The following FSCN2 variants were observed in gnomAD, a reference collection of about 807,000 sequenced individuals.
FSCN2 encodes the protein fascin-2.
FSCN2 carries 46 observed loss-of-function variants against 37.8 expected under a neutral mutation model. That is an observed-to-expected ratio of 1.22 (90% CI 0.96 to 1.56). The LOEUF (loss-of-function observed/expected upper bound fraction) is 1.56. Among genes scored for constraint, FSCN2 ranks in the 40% most tolerant of loss-of-function variants. The pLI, the probability that FSCN2 is intolerant of heterozygous loss-of-function variation, is 0.00. For synonymous variants in FSCN2, 351 were observed against 309.4 expected (o/e 1.13, Z -1.41); for missense variants, 844 against 730.4 (o/e 1.16, Z -1.79).
intron 2 of FSCN2, among the ~76,000 whole-genome samples, chr17:81,535,479 ACCACCAGCCCCATCC>A (rs2032828755): frequency 5.9e-5 from 1 of 16,982 alleles, no homozygotes; most frequent in Non-Finnish European, 9.8e-5. Context: ...CACCCCCACC[ACCACCAGCCCCATCC>A]CCATCACCAC....
chr17:81,534,473 T>C (rs1215344631), intron 1 of FSCN2, among the ~76,000 whole-genome samples: 2 of 152,082 alleles, frequency 1.3e-5, no homozygotes, highest in African/African-American at 4.8e-5. Context: ...GCTGTCCCCA[T>C]GCTGGGCATG....
intron 1 of FSCN2, among the ~76,000 whole-genome samples, chr17:81,531,453 GTGATGGTGA>G (rs2032588590): frequency 1.6e-5 from 2 of 128,552 alleles, no homozygotes; most frequent in East Asian, 2.4e-4. Context: ...GATGGTGGTG[GTGATGGTGA>G]TGATGGTGGT....
intron 1 of FSCN2, 34 bp downstream of exon 1, chr17:81,529,391 G>A (rs2032474796): frequency 6.8e-7 from 1 of 1,481,168 alleles, no homozygotes; most frequent in South Asian, 1.3e-5. Flanking sequence ...CTCCTGAGGG[G>A]TGCTGGGACC....
At chr17:81,533,652 G>T (rs2032766471) in intron 1 of FSCN2, among the ~76,000 whole-genome samples, 2 of 152,216 alleles carry the variant, frequency 1.3e-5, no homozygotes, top group African/African-American at 4.8e-5. Flanking sequence ...ACACTCATTT[G>T]CCAGAACTGA....
chr17:81,521,891 G>C, the FSCN2 span, among the ~76,000 whole-genome samples: 1 of 152,230 alleles, frequency 6.6e-6, no homozygotes, highest in African/African-American at 2.4e-5. Context: ...CAATTGACAG[G>C]CAATGATGGC....
intron 1 of FSCN2, 70 bp downstream of exon 1, chr17:81,529,427 G>A: frequency 2.7e-6 from 3 of 1,124,650 alleles, no homozygotes; most frequent in Non-Finnish European, 3.9e-6. Context: ...GGAGGCCGTG[G>A]GGGTCTCACG....
At chr17:81,519,566 C>G in the FSCN2 span, among the ~76,000 whole-genome samples, 19 of 152,282 alleles carry the variant, frequency 1.2e-4, no homozygotes, top group African/African-American at 4.1e-4. Flanking sequence ...GTCGCGCTGC[C>G]GGAGCCCGCG....
intron 1 of FSCN2, among the ~76,000 whole-genome samples, chr17:81,529,898 C>T (rs2032492709): frequency 6.6e-6 from 1 of 152,266 alleles, no homozygotes; most frequent in African/African-American, 2.4e-5. Flanking sequence ...CAAGCGCCGC[C>T]TCACGGGTTC....
At chr17:81,535,866 TCCATCC>T (rs1357407532) in intron 2 of FSCN2, among the ~76,000 whole-genome samples, 6 of 69,448 alleles carry the variant, frequency 8.6e-5, no homozygotes, top group African/African-American at 1.9e-4. Context: ...CATCCCCCTC[TCCATCC>T]CCATCCCCAT....
intron 1 of FSCN2, among the ~76,000 whole-genome samples, chr17:81,532,567 T>C (rs965733426): frequency 1.3e-5 from 2 of 150,436 alleles, no homozygotes; most frequent in Non-Finnish European, 3.0e-5. Context: ...GTGGTGATGG[T>C]GATGGTGGTG....
chr17:81,533,739 T>C (rs184799108), intron 1 of FSCN2, among the ~76,000 whole-genome samples: 108 of 152,300 alleles, frequency 7.1e-4, no homozygotes, highest in Non-Finnish European at 1.2e-3. Context: ...ACTCCACTCC[T>C]CTCCTATTTT....
In FSCN2 at chr17:81,537,066, C is replaced by G; in HGVS notation, c.1465C>G (p.Leu489Val). The change falls in exon 5 of 5, where the codon CTT becomes GTT. Residue 489 changes from leucine to valine, a missense_variant. Coordinates refer to ENST00000417245, the MANE Select transcript of FSCN2 (RefSeq NM_012418.4). Reference protein sequence around the residue: ...ADADAPAGTALWEY With the variant: ...ADADAPAGTAVWEY ...TGCCGACGCCCCGGCCGGGACCGCGCTTTGGGAGTACTGAGGCCGCGCCCA... is the reference window on the plus strand; with the variant it reads ...TGCCGACGCCCCGGCCGGGACCGCGGTTTGGGAGTACTGAGGCCGCGCCCA... 1.4e-6 allele frequency: 2 copies of G among 1,457,170 alleles called. No individual in the cohort carries two copies. The highest frequency in any genetic ancestry group is 1.8e-6 in the Non-Finnish European group (2 of 1,111,886). The allele number at this position is 1,457,170 out of a possible 1,614,324, so 90.3% of individuals were successfully genotyped here.
chr17:81,521,328 A>G, the FSCN2 span, among the ~76,000 whole-genome samples: 1 of 149,910 alleles, frequency 6.7e-6, no homozygotes, highest in African/African-American at 2.5e-5. Context: ...TTGGCCTCCC[A>G]GAGTCCTGGG....
At chr17:81,517,724 C>G in the FSCN2 span, among the ~76,000 whole-genome samples, 4 of 151,908 alleles carry the variant, frequency 2.6e-5, no homozygotes, top group Non-Finnish European at 5.9e-5. Context: ...TGCTCTCCAC[C>G]TGGCCATTGT....
Position 81,536,749 on chromosome 17 carries a change from C to G in FSCN2, c.1233C>G (p.Val411=). 6.2e-7 allele frequency: 1 copy of G among 1,609,992 alleles called. No homozygotes were observed. The highest frequency in any genetic ancestry group is 8.5e-7 in the Non-Finnish European group (1 of 1,178,702). ...QLDTNRSVYD[V]FHLSFSDGAY... is the part of the protein sequence containing the mutation. ...ACACCAACCGCTCCGTCTACGACGT[C>G]TTCCACCTGAGCTTCAGCGACGGCG... The change falls in exon 4 of 5, where the codon GTC becomes GTG. Residue 411 remains valine (V), a synonymous_variant. Coordinates refer to ENST00000417245, the MANE Select transcript of FSCN2 (RefSeq NM_012418.4).
At chr17:81,521,225 G>A in the FSCN2 span, among the ~76,000 whole-genome samples, 5 of 151,978 alleles carry the variant, frequency 3.3e-5, no homozygotes, top group Admixed American at 6.6e-5. Context: ...GTGCCACCAC[G>A]CCTGGCTAAT....
the FSCN2 span, among the ~76,000 whole-genome samples, chr17:81,521,395 A>C: frequency 7.5e-6 from 1 of 133,566 alleles, no homozygotes; most frequent in Admixed American, 8.0e-5. Flanking sequence ...ACAAGGTCTT[A>C]TTCTGTCATC....
the FSCN2 span, among the ~76,000 whole-genome samples, chr17:81,520,458 C>G: frequency 6.6e-6 from 1 of 152,372 alleles, no homozygotes; most frequent in Non-Finnish European, 1.5e-5. Context: ...GTGCCCAGCA[C>G]CTTGACAAGC....
chr17:81,537,003 TACC>T lies in FSCN2; in HGVS notation c.1403_1405del (p.Tyr468del). 6.6e-7 allele frequency: 1 copy of T among 1,514,222 alleles called. No individual in the cohort carries two copies. The highest frequency in any genetic ancestry group is 8.8e-7 in the Non-Finnish European group (1 of 1,138,198). 93.8% of individuals were successfully genotyped at this position (1,514,222 alleles called of 1,614,324 possible). On this transcript the variant is annotated inframe_deletion, in exon 5 of 5. Transcript: ENST00000417245. ...GGCCATCCGCGCCCGGAGCGGCAAGTACCTGCGCGGCGGCGCCTCGGGCCTGCT... is the reference window on the plus strand; with the variant it reads ...GGCCATCCGCGCCCGGAGCGGCAAGTTGCGCGGCGGCGCCTCGGGCCTGCT...
Sources: allele counts gnomAD v4.1 joint callset (sites outside exome capture counted in the v4.1 genomes callset), GRCh38; gene constraint gnomAD v4.1.1; transcripts MANE v1.5; gene names NCBI Gene and HGNC (gene_info 2026-07-23, HGNC 2026-07-21).